ASH1L: variants seen among roughly 807,000 people sequenced by gnomAD.
The protein encoded by ASH1L is histone-lysine N-methyltransferase ASH1L.
A neutral mutation model predicts 269.0 loss-of-function variants in ASH1L; 23 were observed. That is an observed-to-expected ratio of 0.09 (90% CI 0.06 to 0.12). The LOEUF is 0.12. ASH1L is among the 10% of genes least tolerant of loss of function. The pLI is 1.00. For missense variants in ASH1L, 2,912 were observed against 3,567.8 expected (o/e 0.82, Z 4.68); for synonymous variants, 1,187 against 1,253.5 (o/e 0.95, Z 1.12).
intron 17 of ASH1L, 111 bp from the exon 18 acceptor site, chr1:155,349,707 GTCT>G: frequency 2.1e-5 from 9 of 422,720 alleles, no homozygotes; most frequent in Non-Finnish European, 3.4e-5. Flanking sequence ...AAAAATCCAA[GTCT>G]TTTTTTTTTT....
intron 2 of ASH1L, among the ~76,000 whole-genome samples, chr1:155,491,995 A>T (rs1204154636): frequency 6.6e-6 from 1 of 150,824 alleles, no homozygotes; most frequent in Non-Finnish European, 1.5e-5. Flanking sequence ...TTCATGAAAA[A>T]ATATATTCCA....
intron 16 of ASH1L, among the ~76,000 whole-genome samples, chr1:155,354,181 C>A (rs1343171309): frequency 6.6e-6 from 1 of 152,256 alleles, no homozygotes; most frequent in Non-Finnish European, 1.5e-5. Flanking sequence ...GTAATCCCAA[C>A]ACTTTGGGAG....
At position 155,434,096 on chromosome 1, in the gene ASH1L, T is replaced by C. The variant is rs1661870627; in HGVS notation, c.5828+4231A>G. The C allele has an allele frequency of 3.8e-6, 6 of 1,592,530 alleles. No homozygotes were observed. The African/African-American group carries it at 5.4e-5, about 14-fold the overall frequency. On this transcript the variant is annotated intron_variant, in intron 5 of 27. Coordinates refer to ENST00000392403, the MANE Select transcript of ASH1L (RefSeq NM_018489.3). ...TTTTGAGGCTGCTGGGTCTCCTTTC[T>C]CAGGGGTACCAGTATCCTTTCCTCT...
At chr1:155,424,075 T>C (rs1660939243) in intron 5 of ASH1L, among the ~76,000 whole-genome samples, 1 of 152,168 alleles carries the variant, frequency 6.6e-6, no homozygotes, top group Non-Finnish European at 1.5e-5. Flanking sequence ...CAATCTATGG[T>C]ACATATCAAG....
chr1:155,442,981 A>T (rs1008810073), intron 4 of ASH1L, among the ~76,000 whole-genome samples: 1 of 152,136 alleles, frequency 6.6e-6, no homozygotes, highest in African/African-American at 2.4e-5. Flanking sequence ...TTATCCTAAT[A>T]CTTTCTCCTT....
At chr1:155,548,700 A>G (rs901952927) in intron 1 of ASH1L, among the ~76,000 whole-genome samples, 1 of 152,192 alleles carries the variant, frequency 6.6e-6, no homozygotes, top group African/African-American at 2.4e-5. Flanking sequence ...AGTATCAAAA[A>G]TATTTATCCA....
chr1:155,413,755 T>C (rs986561605), intron 6 of ASH1L, among the ~76,000 whole-genome samples: 2 of 152,028 alleles, frequency 1.3e-5, no homozygotes, highest in East Asian at 1.9e-4. Flanking sequence ...AGTGCTGAGA[T>C]AGAAGGGAGA....
At chr1:155,545,175 CAAAAAAAA>C (rs10624841) in intron 1 of ASH1L, among the ~76,000 whole-genome samples, 17 of 21,774 alleles carry the variant, frequency 7.8e-4, no homozygotes, top group African/African-American at 2.4e-3. Flanking sequence ...TCCATCTCAC[CAAAAAAAA>C]AAAAAAAAAA....
chr1:155,475,150 T>TTTA lies in ASH1L; in HGVS notation c.4984+2735_4984+2736insTAA, dbSNP rs563736148. 1.6e-4 allele frequency among the ~76,000 whole-genome samples: 24 copies of TTTA among 152,272 alleles called. No homozygotes were observed. The South Asian group carries it at 4.8e-3, about 30-fold the overall frequency. On this transcript the variant is annotated intron_variant, in intron 3 of 27. Coordinates refer to ENST00000392403, the MANE Select transcript of ASH1L (RefSeq NM_018489.3). ...AAAACATGTTCTTCACTGTGGCTTTTTTTTTATTTTTATTTTTTGAGATAC... is the reference window on the plus strand; with the variant it reads ...AAAACATGTTCTTCACTGTGGCTTTTTTATTTTTATTTTTATTTTTTGAGATAC...
At chr1:155,502,087 T>C (rs76526541) in intron 2 of ASH1L, among the ~76,000 whole-genome samples, 1 of 149,860 alleles carries the variant, frequency 6.7e-6, no homozygotes, top group Admixed American at 6.7e-5. Context: ...TTTTTTTTTT[T>C]TGAGACAGAG....
At chr1:155,371,126 A>C in intron 10 of ASH1L, 143 bp from the exon 11 acceptor site, 1 of 732,872 alleles carries the variant, frequency 1.4e-6, no homozygotes, top group South Asian at 2.0e-5. Context: ...TAAGATTAAA[A>C]TAATAAATGT....
chr1:155,353,829 C>A (rs989929766), intron 16 of ASH1L, among the ~76,000 whole-genome samples: 1 of 152,218 alleles, frequency 6.6e-6, no homozygotes, highest in African/African-American at 2.4e-5. Flanking sequence ...AATTACCCGT[C>A]CCCCACCCCA....
At chr1:155,477,286 CT>C (rs998371908) in intron 3 of ASH1L, among the ~76,000 whole-genome samples, 15 of 151,832 alleles carry the variant, frequency 9.9e-5, no homozygotes, top group African/African-American at 3.6e-4. Flanking sequence ...TCTTTTTTTT[CT>C]ATCTAATTGA....
intron 1 of ASH1L, among the ~76,000 whole-genome samples, chr1:155,546,697 G>A (rs1670850029): frequency 6.6e-6 from 1 of 151,708 alleles, no homozygotes; most frequent in African/African-American, 2.4e-5. Context: ...GGCAGAGGTT[G>A]CAGTGAGCTG....
intron 1 of ASH1L, among the ~76,000 whole-genome samples, chr1:155,532,860 C>CATATATATGTGTATATATATGTAT (rs1450848160): frequency 2.7e-5 from 4 of 147,118 alleles, no homozygotes; most frequent in Admixed American, 6.8e-5. Context: ...TATATGCACA[C>CATATATATGTGTATATATATGTAT]ATATATATGT....
intron 7 of ASH1L, among the ~76,000 whole-genome samples, chr1:155,386,896 T>C (rs997458157): frequency 6.6e-6 from 1 of 152,228 alleles, no homozygotes; most frequent in African/African-American, 2.4e-5. Context: ...GGCATCGTCA[T>C]GAAGTCTTTG....
intron 17 of ASH1L, among the ~76,000 whole-genome samples, chr1:155,350,486 T>A (rs781473538): frequency 6.6e-6 from 1 of 152,194 alleles, no homozygotes; most frequent in Non-Finnish European, 1.5e-5. Context: ...AAGAACTTCC[T>A]GTGAAGAATG....
At chr1:155,526,334 ATACACAAGTT>A (rs1669253247) in intron 1 of ASH1L, among the ~76,000 whole-genome samples, 2 of 152,216 alleles carry the variant, frequency 1.3e-5, no homozygotes, top group South Asian at 4.1e-4. Flanking sequence ...TGAGAAAACT[ATACACAAGTT>A]TTTTCTTAAT....
At chr1:155,424,176 C>T (rs979346372) in intron 5 of ASH1L, among the ~76,000 whole-genome samples, 2 of 152,050 alleles carry the variant, frequency 1.3e-5, no homozygotes, top group African/African-American at 2.4e-5. Flanking sequence ...TCATATAGGT[C>T]TCATAGGGTC....
Sources: gnomAD v4.1 joint callset for allele counts (sites outside exome capture counted in the v4.1 genomes callset) on GRCh38, gnomAD v4.1.1 for gene constraint, MANE v1.5 for transcripts, NCBI Gene and HGNC (gene_info 2026-07-23, HGNC 2026-07-21) for gene names.